Variants in HERC1 observed in about 807,000 individuals in gnomAD.
The protein encoded by HERC1 is HECT and RLD domain containing E3 ubiquitin protein ligase family member 1.
Under a neutral mutation model 554.3 loss-of-function variants are expected in HERC1, and 160 were observed. That is an observed-to-expected ratio of 0.29 (90% CI 0.25 to 0.33). HERC1 has a LOEUF of 0.33. Among genes scored for constraint, HERC1 ranks in the 10% least tolerant of loss-of-function variants. The probability of loss-of-function intolerance (pLI) is 1.00; values close to 1 mark genes in which losing one functional copy is unlikely to be tolerated. For missense variants in HERC1, 4,919 were observed against 5,918.5 expected (o/e 0.83, Z 5.54); for synonymous variants, 2,175 against 2,131.7 (o/e 1.02, Z -0.56).
rs2140842177 is a variant in HERC1, at chr15:63,727,204, AG to A, written c.3346+442del. On this transcript the variant is annotated intron_variant, in intron 17 of 77. Transcript: ENST00000443617. This position sits in a 1 kb window ranked among gnomAD's most constrained non-coding sequence, Gnocchi z 4.3. ...GCCAGGAGAATCACTTGAACCCGGG[AG>A]GCAGAGGTTGCAATGAGGCAAGATT... is the stretch of plus-strand genomic sequence containing the variant. 6.6e-6 allele frequency among the ~76,000 whole-genome samples: 1 copy of A among 152,294 alleles called. No homozygotes were observed. The highest frequency in any genetic ancestry group is 2.1e-4 in the South Asian group (1 of 4,826).
chr15:63,808,141 A>G (rs1417750274), intron 1 of HERC1, among the ~76,000 whole-genome samples: 1 of 151,146 alleles, frequency 6.6e-6, no homozygotes, highest in Non-Finnish European at 1.5e-5. Flanking sequence ...AAAAAAATAC[A>G]TCACTACAAT....
At chr15:63,623,974 A>AT in intron 72 of HERC1, 84 bp from the exon 73 acceptor site, 1 of 1,472,820 alleles carries the variant, frequency 6.8e-7, no homozygotes, top group East Asian at 2.3e-5. Flanking sequence ...TCAGTGAATG[A>AT]AAAAGCTAGT....
intron 38 of HERC1, 31 bp downstream of exon 38, chr15:63,674,311 A>C: frequency 1.3e-6 from 2 of 1,523,166 alleles, no homozygotes; most frequent in Non-Finnish European, 1.8e-6. Context: ...AACAGCACAA[A>C]AGCAAAAAAA....
At chr15:63,695,415 T>C (rs1480355250) in intron 27 of HERC1, among the ~76,000 whole-genome samples, 1 of 149,536 alleles carries the variant, frequency 6.7e-6, no homozygotes, top group East Asian at 2.0e-4. Flanking sequence ...AGATGGAGTC[T>C]TGCTCTGTTG....
chr15:63,660,044 T>A, intron 46 of HERC1, 108 bp from the exon 47 acceptor site: 1 of 900,744 alleles, frequency 1.1e-6, no homozygotes, highest in Non-Finnish European at 1.7e-6. Flanking sequence ...AGCAGCCAGA[T>A]GCGATGGCTC....
intron 42 of HERC1, among the ~76,000 whole-genome samples, chr15:63,664,829 T>G (rs1243801133): frequency 6.6e-6 from 1 of 152,212 alleles, no homozygotes; most frequent in Admixed American, 6.5e-5. Flanking sequence ...AAAATGATGT[T>G]TAATGAAGCT....
rs372306188 is a variant in HERC1 at position 63,640,253 on chromosome 15, T to C, written c.11800A>G (p.Ile3934Val). ...TTGGTCAGGGCTTCGGCAGCTTTTA[T>C]AGTGGTTGAGAAACATTCTAACCAG... ...WAWLECFSTT[I>V]KAAEALTNGA... The change falls in exon 61 of 78, where the codon ATA becomes GTA. Residue 3934 changes from isoleucine to valine, a missense_variant. Physicochemically the swap from Ile to Val is conservative, Grantham distance 29. Coordinates refer to ENST00000443617, the MANE Select transcript of HERC1 (RefSeq NM_003922.4). The C allele has an allele frequency of 1.2e-4, 188 of 1,613,850 alleles. No individual in the cohort carries two copies. Among genetic ancestry groups the C allele is most frequent in the Non-Finnish European group, 1.5e-4 (177 of 1,179,846 alleles).
intron 45 of HERC1, among the ~76,000 whole-genome samples, 171 bp from the exon 46 acceptor site, chr15:63,661,196 C>T (rs1269939033): frequency 6.6e-6 from 1 of 152,186 alleles, no homozygotes; most frequent in African/African-American, 2.4e-5. Flanking sequence ...TGTAGGTACA[C>T]ACATGCTTAC....
intron 1 of HERC1, among the ~76,000 whole-genome samples, chr15:63,825,786 T>TG (rs2077879098): frequency 6.6e-6 from 1 of 151,862 alleles, no homozygotes; most frequent in Non-Finnish European, 1.5e-5. Flanking sequence ...TTTTTTGAGA[T>TG]GGAGTCTCGT....
intron 45 of HERC1, among the ~76,000 whole-genome samples, chr15:63,661,454 T>A (rs955018306): frequency 1.3e-5 from 2 of 152,020 alleles, no homozygotes; most frequent in Non-Finnish European, 2.9e-5. Context: ...TGGTAGAAAA[T>A]ACAAATGAAA....
intron 74 of HERC1, among the ~76,000 whole-genome samples, chr15:63,617,897 G>A (rs1258729666): frequency 2.6e-5 from 4 of 152,052 alleles, no homozygotes; most frequent in African/African-American, 9.7e-5. Flanking sequence ...TGTAGATTCT[G>A]GATATTAGCC....
intron 1 of HERC1, among the ~76,000 whole-genome samples, chr15:63,783,866 G>A (rs924073675): frequency 2.0e-4 from 30 of 152,102 alleles, no homozygotes; most frequent in African/African-American, 7.0e-4. Flanking sequence ...AGGAGATCAA[G>A]ACCATCCTGG....
At chr15:63,651,828 G>A (rs1041172539) in intron 52 of HERC1, among the ~76,000 whole-genome samples, 6 of 152,150 alleles carry the variant, frequency 3.9e-5, no homozygotes, top group African/African-American at 1.4e-4. Flanking sequence ...AGAAGGTCAG[G>A]AGTTTGAGAC....
intron 76 of HERC1, 130 bp downstream of exon 76, chr15:63,615,638 A>T: frequency 1.7e-6 from 1 of 594,150 alleles, no homozygotes; most frequent in East Asian, 3.5e-5. Flanking sequence ...TAAAATAAAT[A>T]AATTCATACA....
Position 63,674,534 on chromosome 15 carries a change from C to T in HERC1, c.7654G>A (p.Val2552Ile), listed in dbSNP as rs755921970. ...CGCATCTCCACGTCTTCATGAACAACTGGAGAACTTGCACAGTCTGAGTTG... is the reference window on the plus strand; with the variant it reads ...CGCATCTCCACGTCTTCATGAACAATTGGAGAACTTGCACAGTCTGAGTTG... ...GHNSDCASSP[V>I]VHEDVEMRAA... Residue 2552 changes from valine (V) to isoleucine (I), a missense_variant, in exon 38 of 78, where the codon GTT (valine) becomes ATT (isoleucine). Val to Ile is a conservative substitution (Grantham distance 29, BLOSUM62 3). Coordinates refer to ENST00000443617, the MANE Select transcript of HERC1 (RefSeq NM_003922.4). 6 of 1,613,376 alleles carry T rather than the reference C, an allele frequency of 3.7e-6. No individual in the cohort carries two copies. In the East Asian group the frequency reaches 1.3e-4, roughly 36 times the overall value.
chr15:63,755,373 T>C (rs1290335469), intron 5 of HERC1, 48 bp from the exon 6 acceptor site: 1 of 1,349,282 alleles, frequency 7.4e-7, no homozygotes. Flanking sequence ...TGTTAAAACA[T>C]ATAGTCCGTA....
chr15:63,719,902 T>C (rs961117359), intron 19 of HERC1, among the ~76,000 whole-genome samples: 1 of 152,106 alleles, frequency 6.6e-6, no homozygotes, highest in East Asian at 1.9e-4. Context: ...CCATTAGACA[T>C]TCTAGAGGAG....
At chr15:63,783,408 C>CA (rs557756377) in intron 1 of HERC1, among the ~76,000 whole-genome samples, 250 of 145,860 alleles carry the variant, frequency 1.7e-3, no homozygotes, top group African/African-American at 5.5e-3. Flanking sequence ...CATTTTTTAG[C>CA]AAAAAAAAAA....
rs1596100834 is a variant in HERC1, at chr15:63,734,377, T to A, written c.2646+347A>T. Among the ~76,000 whole-genome samples the A allele has an allele frequency of 6.6e-6, 1 of 152,158 alleles. No individual in the cohort carries two copies. The highest frequency in any genetic ancestry group is 2.4e-5 in the African/African-American group (1 of 41,434). On this transcript the variant is annotated intron_variant, in intron 13 of 77. Transcript: ENST00000443617. The surrounding 1 kb of genome is among the most constrained non-coding windows in gnomAD (Gnocchi z 4.6). ...TTTCCTAATAGTCATCTATACTCTT[T>A]ATACAAACGATTTCAGACAAAGTTC...
Sources: allele counts gnomAD v4.1 joint callset (sites outside exome capture counted in the v4.1 genomes callset), GRCh38; gene constraint gnomAD v4.1.1; non-coding constraint Gnocchi (gnomAD v3.1); transcripts MANE v1.5; gene names NCBI Gene and HGNC (gene_info 2026-07-23, HGNC 2026-07-21).